Variants in CELF2 observed in about 807,000 individuals in gnomAD.
CELF2 encodes the protein CUGBP Elav-like family member 2.
CELF2 carries 8 observed loss-of-function variants against 62.6 expected under a neutral mutation model. That is an observed-to-expected ratio of 0.13 (90% CI 0.07 to 0.23). The LOEUF is 0.23. Among genes scored for constraint, CELF2 ranks in the 10% least tolerant of loss-of-function variants. CELF2 has a pLI of 1.00. For synonymous variants in CELF2, 258 were observed against 250.0 expected, an observed-to-expected ratio of 1.03 and a Z score of -0.30; for missense variants, 333 against 671.0, an observed-to-expected ratio of 0.50 and a Z score of 5.56.
chr10:10,624,666 A>AC, the CELF2 span, among the ~76,000 whole-genome samples: 1 of 152,200 alleles, frequency 6.6e-6, no homozygotes, highest in African/African-American at 2.4e-5. Context: ...ATTGCAGAAA[A>AC]CCCTGGGAGA....
the CELF2 span, among the ~76,000 whole-genome samples, chr10:10,699,369 G>A: frequency 6.6e-6 from 1 of 152,172 alleles, no homozygotes; most frequent in East Asian, 1.9e-4. Flanking sequence ...TGCTTCCTGG[G>A]TCTGGCAGGT....
intron 1 of CELF2, among the ~76,000 whole-genome samples, chr10:11,103,202 A>G (rs1254528286): frequency 6.6e-6 from 1 of 152,066 alleles, no homozygotes; most frequent in African/African-American, 2.4e-5. Flanking sequence ...AAAAAAATCC[A>G]CGCTTTGCCA....
the CELF2 span, among the ~76,000 whole-genome samples, chr10:10,505,526 G>A: frequency 2.0e-4 from 30 of 152,032 alleles, no homozygotes; most frequent in Non-Finnish European, 1.3e-4. Flanking sequence ...TAACACCAAG[G>A]AGAAGAGGCA....
chr10:10,973,127 TA>T (rs111727352), intron 2 of CELF2, among the ~76,000 whole-genome samples: 46,670 of 151,286 alleles, frequency 0.31, 10,749 homozygotes, highest in African/African-American at 0.65. Flanking sequence ...TCGTCTCTAC[TA>T]AAAAATAAAA....
chr10:11,104,120 C>G (rs1302756437), intron 1 of CELF2, among the ~76,000 whole-genome samples: 1 of 152,084 alleles, frequency 6.6e-6, no homozygotes, highest in Non-Finnish European at 1.5e-5. Flanking sequence ...CCTATTAAAC[C>G]ATGTTTAATA....
At chr10:10,682,794 A>G in the CELF2 span, among the ~76,000 whole-genome samples, 1 of 151,966 alleles carries the variant, frequency 6.6e-6, no homozygotes, top group African/African-American at 2.4e-5. Flanking sequence ...CTTTTGTTCT[A>G]TTACTAGGTG....
chr10:10,965,260 A>G (rs1382831573), intron 2 of CELF2, among the ~76,000 whole-genome samples: 10 of 152,114 alleles, frequency 6.6e-5, no homozygotes, highest in Admixed American at 6.5e-4. Flanking sequence ...CTGTCCTTTC[A>G]GTTTTCTGTT....
the CELF2 span, among the ~76,000 whole-genome samples, chr10:10,569,298 A>G: frequency 2.0e-5 from 3 of 152,184 alleles, no homozygotes; most frequent in Non-Finnish European, 4.4e-5. Context: ...GGACAAAGGC[A>G]TGTCTAAACT....
chr10:11,162,361 T>C (rs1313714067), intron 1 of CELF2, among the ~76,000 whole-genome samples: 1 of 152,130 alleles, frequency 6.6e-6, no homozygotes, highest in Non-Finnish European at 1.5e-5. Flanking sequence ...GTGGTGATAT[T>C]TCAACTTGTA....
Position 11,320,480 on chromosome 10 carries a change from C to G in CELF2, c.1097-709C>G, listed in dbSNP as rs151103344. ...GCTGAAAACTGCACCACTTTGATAC[C>G]GAACGAGTAGCTTCAGCTCTCTGCG... On this transcript the variant is annotated intron_variant, in intron 10 of 12. Coordinates refer to ENST00000633077, the MANE Select transcript of CELF2 (RefSeq NM_001326342.2). Among the ~76,000 whole-genome samples, 4 of 152,318 alleles carry G rather than the reference C, an allele frequency of 2.6e-5. No individual in the cohort carries two copies. In the East Asian group the frequency reaches 7.7e-4, roughly 29 times the overall value.
intron 1 of CELF2, among the ~76,000 whole-genome samples, chr10:10,826,214 C>G (rs570970564): frequency 6.6e-6 from 1 of 151,666 alleles, no homozygotes; most frequent in African/African-American, 2.4e-5. Context: ...GCCCATTTCT[C>G]TTGGTATGGC....
At chr10:11,174,958 A>G (rs539610617) in intron 2 of CELF2, among the ~76,000 whole-genome samples, 7 of 152,304 alleles carry the variant, frequency 4.6e-5, no homozygotes, top group African/African-American at 1.7e-4. Context: ...CCTCCCTACT[A>G]AACATTCTGT....
At chr10:10,667,212 C>T in the CELF2 span, among the ~76,000 whole-genome samples, 1 of 152,232 alleles carries the variant, frequency 6.6e-6, no homozygotes, top group Non-Finnish European at 1.5e-5. Flanking sequence ...GTTATTACTA[C>T]TCAGACAGCT....
In CELF2 at chr10:11,296,527, C is replaced by G. The variant is rs2093203303; in HGVS notation, c.976+7975C>G. On this transcript the variant is annotated intron_variant, in intron 9 of 12. Transcript: ENST00000633077. This position sits in a 1 kb window ranked among gnomAD's most constrained non-coding sequence, Gnocchi z 5.0. ...GTGTTATATTAGGTGGGAAAATCAG[C>G]AAAGCTTTATTCTAGTCACAACTTC... Among the ~76,000 whole-genome samples the G allele has an allele frequency of 6.6e-6, 1 of 152,142 alleles. No individual in the cohort carries two copies. Among genetic ancestry groups the G allele is most frequent in the Non-Finnish European group, 1.5e-5 (1 of 68,032 alleles).
chr10:10,826,778 T>A (rs752079367), intron 1 of CELF2, among the ~76,000 whole-genome samples: 1 of 152,196 alleles, frequency 6.6e-6, no homozygotes, highest in African/African-American at 2.4e-5. Flanking sequence ...AGGGGCTCTG[T>A]TTTGTATTTT....
the CELF2 span, among the ~76,000 whole-genome samples, chr10:10,565,783 T>A: frequency 0.42 from 63,855 of 152,056 alleles, 13,636 homozygotes; most frequent in East Asian, 0.64. Flanking sequence ...TCATTAAAGA[T>A]GGAGCTACAT....
the CELF2 span, among the ~76,000 whole-genome samples, chr10:10,507,948 A>G: frequency 2.0e-5 from 3 of 152,204 alleles, no homozygotes; most frequent in Admixed American, 1.3e-4. Flanking sequence ...TTCCTGAATC[A>G]ATACCAAACA....
chr10:11,282,346 C>A (rs4545437), intron 8 of CELF2, among the ~76,000 whole-genome samples: 1 of 152,036 alleles, frequency 6.6e-6, no homozygotes, highest in Non-Finnish European at 1.5e-5. Context: ...AGGGAAGGGG[C>A]GGGGCTCTCT....
At chr10:10,656,025 AG>A in the CELF2 span, among the ~76,000 whole-genome samples, 1 of 150,422 alleles carries the variant, frequency 6.6e-6, no homozygotes, top group African/African-American at 2.5e-5. Flanking sequence ...CAAATTTACA[AG>A]AAAAAAAAAC....
Sources: allele counts gnomAD v4.1 joint callset (sites outside exome capture counted in the v4.1 genomes callset), GRCh38; gene constraint gnomAD v4.1.1; non-coding constraint Gnocchi (gnomAD v3.1); transcripts MANE v1.5; gene names NCBI Gene and HGNC (gene_info 2026-07-23, HGNC 2026-07-21).